Variants in PTCD1 observed in about 807,000 individuals in gnomAD.
PTCD1 encodes the protein pentatricopeptide repeat domain 1.
PTCD1 carries 50 observed loss-of-function variants against 53.4 expected under a neutral mutation model. The observed-to-expected ratio is 0.94, with a 90% CI of 0.75 to 1.19. The LOEUF (loss-of-function observed/expected upper bound fraction) is 1.19. Ranked by LOEUF, PTCD1 falls within the 50% of genes most tolerant of loss-of-function variation. The probability of loss-of-function intolerance (pLI) is 0.00; values close to 1 mark genes in which losing one functional copy is unlikely to be tolerated. For synonymous variants in PTCD1, 413 were observed against 394.8 expected, an observed-to-expected ratio of 1.05 and a Z score of -0.55; for missense variants, 918 against 904.8, an observed-to-expected ratio of 1.01 and a Z score of -0.19.
At chr7:99,425,869 C>G (rs954354425) in intron 5 of PTCD1, among the ~76,000 whole-genome samples, 13 of 152,304 alleles carry the variant, frequency 8.5e-5, no homozygotes, top group African/African-American at 3.1e-4. Context: ...GAGTTCGAGA[C>G]CAGCCCGACC....
intron 1 of PTCD1, among the ~76,000 whole-genome samples, chr7:99,438,116 C>T (rs542963040): frequency 1.3e-5 from 2 of 152,210 alleles, no homozygotes; most frequent in East Asian, 3.9e-4. Context: ...CTCATTACCC[C>T]ACCCTGGTTA....
rs1193891438 is a variant in PTCD1 at position 99,423,911 on chromosome 7, T to C, written c.1784A>G (p.Asn595Ser). ...PNTHIYSALI[N>S]AAIRKLNYTY... is the part of the protein sequence containing the mutation. ...GTAGTTCAGCTTCCTGATGGCCGCG[T>C]TGATGAGGGCACTGTAGATGTGAGT... The change falls in exon 7 of 8, where the codon AAC becomes AGC. Residue 595 changes from asparagine (N) to serine (S), a missense_variant. Transcript: ENST00000292478. 4 of 1,614,042 alleles carry C rather than the reference T, an allele frequency of 2.5e-6. No individual in the cohort carries two copies. The African/African-American group carries it at 5.3e-5, about 22-fold the overall frequency.
In PTCD1 at chr7:99,417,402, G is replaced by C. The variant is rs199573758; in HGVS notation, c.*2565C>G. 1.7e-5 allele frequency: 27 copies of C among 1,610,630 alleles called. No individual in the cohort carries two copies. Among genetic ancestry groups the C allele is most frequent in the Non-Finnish European group, 2.3e-5 (27 of 1,177,178 alleles). ...GGGGAAGGTTTTTAGACCATGGCCT[G>C]ATGCTCTTTCCCCATCTTTTTGACA... On this transcript the variant is annotated 3_prime_UTR_variant, in exon 8 of 8. Coordinates refer to ENST00000292478, the MANE Select transcript of PTCD1 (RefSeq NM_015545.4).
Position 99,428,695 on chromosome 7 carries a change from C to T in PTCD1, c.915+408G>A, listed in dbSNP as rs140664960. On this transcript the variant is annotated intron_variant, in intron 5 of 7. Transcript: ENST00000292478. ...GGCGGAGGTTGCAGTGAGCCAAGAT[C>T]GCTCACTCCAGCCTGGGCAAGAGTG... 4.6e-5 allele frequency among the ~76,000 whole-genome samples: 7 copies of T among 151,720 alleles called. No individual in the cohort carries two copies. The East Asian group carries it at 7.8e-4, about 17-fold the overall frequency.
At chr7:99,433,544 AC>A in intron 2 of PTCD1, 126 bp from the exon 3 acceptor site, 1 of 1,561,786 alleles carries the variant, frequency 6.4e-7, no homozygotes, top group Non-Finnish European at 8.6e-7. Flanking sequence ...GTGACTGCAA[AC>A]CCCCTGGGCC....
intron 7 of PTCD1, among the ~76,000 whole-genome samples, chr7:99,420,679 G>A (rs369720552): frequency 2.4e-4 from 36 of 152,318 alleles, no homozygotes; most frequent in Admixed American, 5.9e-4. Context: ...AGGTTTGGCC[G>A]GGTGCGGTGG....
rs1562840846 is a variant in PTCD1, at chr7:99,425,203, C to G, written c.1329G>C (p.Leu443=). ...CTGTAGGGGGAACGGCCCCGGGGGTCAGGAGGTTGACTTCCAGCTCCACGG... is the reference window on the plus strand; with the variant it reads ...CTGTAGGGGGAACGGCCCCGGGGGTGAGGAGGTTGACTTCCAGCTCCACGG... The part of the protein sequence containing the change: ...PPPVELEVNL[L]TPGAVPPTVV... The change falls in exon 6 of 8, where the codon CTG becomes CTC. Residue 443 remains leucine (L), a synonymous_variant. Transcript: ENST00000292478. 6.8e-6 allele frequency: 11 copies of G among 1,612,442 alleles called. No homozygotes were observed. Among genetic ancestry groups the G allele is most frequent in the Non-Finnish European group, 9.3e-6 (11 of 1,178,772 alleles).
rs757679541 is a variant in PTCD1 at position 99,435,159 on chromosome 7, T to G, written c.84A>C (p.Arg28Ser). ...CCTCCCTGCCTCCTGCCCACCTGGC[T>G]CTACAGGGGTCCAGGTGTTGCAGGA... ...LFILQHLDPCRARWAGGREGL... is the reference protein window; with the variant it reads ...LFILQHLDPCSARWAGGREGL... Residue 28 changes from arginine (R) to serine (S), a missense_variant, in exon 2 of 8, where the codon AGA becomes AGC. By Grantham distance (110) the Arg-to-Ser change is moderately radical. Coordinates refer to ENST00000292478, the MANE Select transcript of PTCD1 (RefSeq NM_015545.4). The G allele has an allele frequency of 1.2e-5, 20 of 1,602,360 alleles. No individual in the cohort carries two copies. Among genetic ancestry groups the G allele is most frequent in the Non-Finnish European group, 1.5e-5 (18 of 1,176,706 alleles).
At chr7:99,436,056 C>G (rs537678295) in intron 1 of PTCD1, among the ~76,000 whole-genome samples, 2 of 152,126 alleles carry the variant, frequency 1.3e-5, no homozygotes, top group South Asian at 4.1e-4. Flanking sequence ...AGCGATCCTC[C>G]CATTTCAGCC....
chr7:99,428,676 G>A (rs1796149544), intron 5 of PTCD1, among the ~76,000 whole-genome samples: 1 of 151,944 alleles, frequency 6.6e-6, no homozygotes, highest in Admixed American at 6.6e-5. Context: ...GGGAGGCGGA[G>A]GTTGCAGTGA....
At chr7:99,424,362 C>T (rs186684097) in intron 6 of PTCD1, among the ~76,000 whole-genome samples, 1 of 152,172 alleles carries the variant, frequency 6.6e-6, no homozygotes, top group African/African-American at 2.4e-5. Flanking sequence ...CTGGGGACAC[C>T]GACAACCCAG....
chr7:99,432,018 A>G (rs1408357344), intron 3 of PTCD1, among the ~76,000 whole-genome samples: 1 of 152,190 alleles, frequency 6.6e-6, no homozygotes, highest in East Asian at 1.9e-4. Context: ...GCCATTCTCC[A>G]ATCTCGAGTA....
rs1301716407 is a variant in PTCD1 at position 99,429,162 on chromosome 7, T to C, written c.856A>G (p.Ser286Gly). 3.1e-6 allele frequency: 5 copies of C among 1,614,060 alleles called. No individual in the cohort carries two copies. The highest frequency in any genetic ancestry group is 3.3e-5 in the Admixed American group (2 of 60,000). ...TGGATGCAGCCCATGAGCAGGAAAC[T>C]GAAGGTCTCCTCTGTGACCACGTGC... ...KGHVVTEETF[S>G]FLLMGCIQDK... The change falls in exon 5 of 8, where the codon AGT becomes GGT. Residue 286 changes from serine (S) to glycine (G), a missense_variant. By Grantham distance (56) the Ser-to-Gly change is moderately conservative (BLOSUM62 0). Transcript: ENST00000292478.
chr7:99,419,779 T>C lies in PTCD1; in HGVS notation c.*188A>G, dbSNP rs1795717481. 1.1e-6 allele frequency: 1 copy of C among 939,158 alleles called. No homozygotes were observed. Among genetic ancestry groups the C allele is most frequent in the Admixed American group, 2.7e-5 (1 of 37,458 alleles). 58.2% of individuals were successfully genotyped at this position (939,158 alleles called of 1,614,324 possible). ...GGTGACACGCAAAGGTGGCTGGAGC[T>C]GCACTTGGACCTGCTGGGAGCACAG... On this transcript the variant is annotated 3_prime_UTR_variant, in exon 8 of 8. Transcript: ENST00000292478.
rs1796191733 is a variant in PTCD1, at chr7:99,429,824, G to A, written c.595-18C>T. On this transcript the variant is annotated intron_variant, in intron 3 of 7. Coordinates refer to ENST00000292478, the MANE Select transcript of PTCD1 (RefSeq NM_015545.4). ...TTTTTCATCTGTGGAGATGGAAGAAGCTCAGTGGTGGCCCGGGATCAGCTG... is the reference window on the plus strand; with the variant it reads ...TTTTTCATCTGTGGAGATGGAAGAAACTCAGTGGTGGCCCGGGATCAGCTG... The A allele has an allele frequency of 3.7e-6, 6 of 1,613,424 alleles. No homozygotes were observed. The highest frequency in any genetic ancestry group is 5.1e-6 in the Non-Finnish European group (6 of 1,179,988).
In PTCD1 at chr7:99,433,526, G is replaced by A. The variant is rs967804306; in HGVS notation, c.454-108C>T. 121 of 1,590,488 alleles carry A rather than the reference G, an allele frequency of 7.6e-5. No homozygotes were observed. In the East Asian group the frequency reaches 8.6e-4, roughly 11 times the overall value. On this transcript the variant is annotated intron_variant, in intron 2 of 7. Coordinates refer to ENST00000292478, the MANE Select transcript of PTCD1 (RefSeq NM_015545.4). ...CCCTCCTAAAATGGTGGAGAACGGC[G>A]GCCCTGGGTGACTGCAAACCCCCTG... is the stretch of plus-strand genomic sequence containing the variant.
intron 5 of PTCD1, 28 bp from the exon 6 acceptor site, chr7:99,425,644 G>T: frequency 6.3e-7 from 1 of 1,592,272 alleles, no homozygotes; most frequent in Non-Finnish European, 8.5e-7. Flanking sequence ...AACGTCAGCT[G>T]GGTGCTCCCA....
rs577756259 is a variant in PTCD1 at position 99,438,609 on chromosome 7, A to G, written c.-27+83T>C. 13 of 1,158,054 alleles carry G rather than the reference A, an allele frequency of 1.1e-5. No homozygotes were observed. In the South Asian group the frequency reaches 1.9e-4, roughly 17 times the overall value. The allele number at this position is 1,158,054 out of a possible 1,614,324, so 71.7% of individuals were successfully genotyped here. On this transcript the variant is annotated intron_variant, in intron 1 of 7. Coordinates refer to ENST00000292478, the MANE Select transcript of PTCD1 (RefSeq NM_015545.4). ...CCCTCCTCAGACGCCCCCGGCTCCA[A>G]TCCCGGCTCGGGCACTTCCTTCCCC...
rs1199504175 is a variant in PTCD1, at chr7:99,419,528, C to T, written c.*439G>A. On this transcript the variant is annotated 3_prime_UTR_variant, in exon 8 of 8. Transcript: ENST00000292478. The stretch of plus-strand genomic sequence containing the variant: ...TTCCTGGGAGCAGCGAGCAGTGCCC[C>T]AGGCCCGAGTTGGAGCACGGTCTCT... The T allele has an allele frequency of 1.0e-5, 15 of 1,503,980 alleles. No individual in the cohort carries two copies. Among genetic ancestry groups the T allele is most frequent in the East Asian group, 6.8e-5 (3 of 44,236 alleles). 93.2% of individuals were successfully genotyped at this position (1,503,980 alleles called of 1,614,324 possible).
Sources: allele counts gnomAD v4.1 joint callset (sites outside exome capture counted in the v4.1 genomes callset), GRCh38; gene constraint gnomAD v4.1.1; transcripts MANE v1.5; gene names NCBI Gene and HGNC (gene_info 2026-07-23, HGNC 2026-07-21).